The following FCHSD2 variants were observed in gnomAD, a reference collection of about 807,000 sequenced individuals.
FCHSD2 encodes the protein F-BAR and double SH3 domains protein 2.
A neutral mutation model predicts 108.1 loss-of-function variants in FCHSD2; 38 were observed. The observed-to-expected ratio is 0.35, with a 90% confidence interval of 0.27 to 0.46. FCHSD2 has a LOEUF of 0.46. Ranked by LOEUF, FCHSD2 falls within the 20% of genes least tolerant of loss-of-function variation. The pLI is 1.00. For missense variants in FCHSD2, 751 were observed against 897.8 expected (o/e 0.84, Z 2.09); for synonymous variants, 279 against 314.7 (o/e 0.89, Z 1.20).
intron 14 of FCHSD2, among the ~76,000 whole-genome samples, chr11:72,845,411 C>G (rs1181302193): frequency 1.4e-5 from 2 of 142,384 alleles, no homozygotes; most frequent in Non-Finnish European, 3.0e-5. Context: ...GCACTCCAGC[C>G]TGGGTGACAG....
chr11:73,037,979 G>A (rs1858539524), intron 3 of FCHSD2, among the ~76,000 whole-genome samples: 1 of 152,140 alleles, frequency 6.6e-6, no homozygotes, highest in Admixed American at 6.5e-5. Context: ...GTGAAACATA[G>A]GGATTACTCT....
intron 8 of FCHSD2, among the ~76,000 whole-genome samples, chr11:72,945,602 G>C (rs937103745): frequency 2.0e-5 from 3 of 152,166 alleles, no homozygotes; most frequent in African/African-American, 7.2e-5. Context: ...TACCATCAGA[G>C]TGAACAGGCA....
intron 8 of FCHSD2, among the ~76,000 whole-genome samples, chr11:72,924,526 C>G (rs956082511): frequency 6.6e-6 from 1 of 151,700 alleles, no homozygotes; most frequent in Non-Finnish European, 1.5e-5. Flanking sequence ...TCGTGATCCG[C>G]CCACCTTGGC....
At chr11:72,905,191 C>G (rs541395657) in intron 9 of FCHSD2, among the ~76,000 whole-genome samples, 4 of 152,244 alleles carry the variant, frequency 2.6e-5, no homozygotes, top group African/African-American at 7.2e-5. Context: ...TTATTGTCGG[C>G]TTGTAGTTGG....
intron 8 of FCHSD2, among the ~76,000 whole-genome samples, chr11:72,936,923 G>A (rs529827925): frequency 1.0e-3 from 155 of 152,254 alleles, no homozygotes; most frequent in Non-Finnish European, 1.8e-3. Flanking sequence ...CCAATGTATG[G>A]ACTTCCTTGG....
intron 13 of FCHSD2, among the ~76,000 whole-genome samples, chr11:72,866,645 C>A (rs1202655199): frequency 6.6e-6 from 1 of 152,180 alleles, no homozygotes; most frequent in Non-Finnish European, 1.5e-5. Context: ...TTCTTTTTCC[C>A]TCTAGCTGGA....
intron 13 of FCHSD2, among the ~76,000 whole-genome samples, chr11:72,859,116 A>T (rs979108189): frequency 3.9e-5 from 6 of 152,246 alleles, no homozygotes; most frequent in Non-Finnish European, 8.8e-5. Context: ...TGCGGAGTAT[A>T]GCAGTCTCCC....
intron 2 of FCHSD2, among the ~76,000 whole-genome samples, chr11:73,111,890 T>C (rs1180092485): frequency 6.6e-6 from 1 of 152,234 alleles, no homozygotes; most frequent in Non-Finnish European, 1.5e-5. Flanking sequence ...ACCTACACTT[T>C]TAACTTTGTC....
intron 13 of FCHSD2, 128 bp from the exon 14 acceptor site, chr11:72,850,017 A>G (rs1861239689): frequency 8.6e-6 from 5 of 583,210 alleles, no homozygotes; most frequent in Non-Finnish European, 1.2e-5. Flanking sequence ...AGAAATGACT[A>G]TCTTTCGCAC....
rs144427542 is a variant in FCHSD2 at position 73,015,069 on chromosome 11, C to T, written c.242+740G>A. On this transcript the variant is annotated intron_variant, in intron 4 of 19. Transcript: ENST00000409418. The stretch of plus-strand genomic sequence containing the variant: ...ATGTTGGTCAGGCTGGTCTTGAACT[C>T]CTGATCTCAGGTGATCCACCTGCCT... Among the ~76,000 whole-genome samples the T allele has an allele frequency of 1.1e-3, 166 of 152,274 alleles. 1 individual carries two copies. In the East Asian group the frequency reaches 0.028, roughly 26 times the overall value.
At chr11:72,860,259 G>A (rs1435349334) in intron 13 of FCHSD2, among the ~76,000 whole-genome samples, 2 of 152,168 alleles carry the variant, frequency 1.3e-5, no homozygotes, top group African/African-American at 4.8e-5. Flanking sequence ...TAGAAGACTA[G>A]AACAATACTA....
intron 3 of FCHSD2, among the ~76,000 whole-genome samples, chr11:73,021,630 C>A (rs780893088): frequency 4.0e-5 from 6 of 151,784 alleles, no homozygotes; most frequent in Non-Finnish European, 7.4e-5. Context: ...ACCTGGGTAA[C>A]GAAATAATCT....
At chr11:73,098,388 T>C (rs1451563553) in intron 2 of FCHSD2, among the ~76,000 whole-genome samples, 3 of 152,166 alleles carry the variant, frequency 2.0e-5, no homozygotes, top group Admixed American at 1.3e-4. Context: ...TCTAGCTTCA[T>C]TCCTCTATGG....
intron 3 of FCHSD2, among the ~76,000 whole-genome samples, chr11:73,060,926 G>A (rs1035161247): frequency 1.3e-5 from 2 of 152,146 alleles, no homozygotes; most frequent in Admixed American, 1.3e-4. Flanking sequence ...CATGAAGGAA[G>A]GCTGAAAAAA....
intron 12 of FCHSD2, among the ~76,000 whole-genome samples, chr11:72,872,510 T>C (rs1854883550): frequency 6.6e-6 from 1 of 152,178 alleles, no homozygotes; most frequent in South Asian, 2.1e-4. Flanking sequence ...AAGATTTGCC[T>C]ATTCCAGACA....
chr11:73,107,382 C>G (rs1860370667), intron 2 of FCHSD2, among the ~76,000 whole-genome samples: 1 of 152,030 alleles, frequency 6.6e-6, no homozygotes, highest in African/African-American at 2.4e-5. Context: ...AGGTATACAG[C>G]AGGTGTATAT....
chr11:72,916,840 A>T (rs1855883392), intron 9 of FCHSD2, among the ~76,000 whole-genome samples: 1 of 152,170 alleles, frequency 6.6e-6, no homozygotes, highest in South Asian at 2.1e-4. Context: ...TTCAACGTCA[A>T]ATCTGAGAAT....
chr11:73,081,557 A>T (rs1194372740), intron 3 of FCHSD2, among the ~76,000 whole-genome samples: 2 of 151,420 alleles, frequency 1.3e-5, no homozygotes, highest in Non-Finnish European at 2.9e-5. Context: ...ACAGGGTTTC[A>T]CTCCCATTGC....
At chr11:73,110,166 T>C (rs186267882) in intron 2 of FCHSD2, among the ~76,000 whole-genome samples, 1 of 152,060 alleles carries the variant, frequency 6.6e-6, no homozygotes, top group East Asian at 1.9e-4. Context: ...TTTTTTGATG[T>C]GTCTTTGGTC....
Sources: allele counts gnomAD v4.1 joint callset (sites outside exome capture counted in the v4.1 genomes callset), GRCh38; gene constraint gnomAD v4.1.1; transcripts MANE v1.5; gene names NCBI Gene and HGNC (gene_info 2026-07-23, HGNC 2026-07-21).